Variants in ADGRL4 observed in about 807,000 individuals in gnomAD.
ADGRL4 encodes the protein adhesion G protein-coupled receptor L4.
Under a neutral mutation model 74.8 loss-of-function variants are expected in ADGRL4, and 90 were observed. The ratio of observed to expected loss-of-function variants is 1.20; its 90% CI spans 1.02 to 1.43. The LOEUF is 1.43. ADGRL4 is among the 40% of genes most tolerant of loss of function. The pLI, the probability that ADGRL4 is intolerant of heterozygous loss-of-function variation, is 0.00. For synonymous variants in ADGRL4, 311 were observed against 279.2 expected (o/e 1.11, Z -1.14); for missense variants, 881 against 814.3 (o/e 1.08, Z -1.00).
At chr1:78,991,446 C>A (rs763859309) in intron 2 of ADGRL4, among the ~76,000 whole-genome samples, 1 of 151,920 alleles carries the variant, frequency 6.6e-6, no homozygotes, top group Non-Finnish European at 1.5e-5. Flanking sequence ...GAGTTAATAT[C>A]GGTTAAATAA....
At chr1:78,926,815 G>T in intron 8 of ADGRL4, 71 bp downstream of exon 8, 1 of 1,093,030 alleles carries the variant, frequency 9.1e-7, no homozygotes, top group East Asian at 2.5e-5. Context: ...TAATTTAAGT[G>T]ACACAACAAA....
At chr1:78,978,863 T>TC (rs1253388510) in intron 2 of ADGRL4, among the ~76,000 whole-genome samples, 2 of 151,978 alleles carry the variant, frequency 1.3e-5, no homozygotes, top group African/African-American at 4.8e-5. Flanking sequence ...AAAGATCTTA[T>TC]CTTTTTTTTT....
intron 12 of ADGRL4, among the ~76,000 whole-genome samples, chr1:78,905,452 G>C (rs1648615916): frequency 6.6e-6 from 1 of 152,008 alleles, no homozygotes; most frequent in Non-Finnish European, 1.5e-5. Flanking sequence ...CTAGTATACA[G>C]CTGGGATTAG....
intron 2 of ADGRL4, among the ~76,000 whole-genome samples, chr1:78,964,298 T>C (rs1650012815): frequency 6.6e-6 from 1 of 152,214 alleles, no homozygotes. Context: ...GCTCAGAGTA[T>C]GCAGTTACTG....
At chr1:78,989,668 C>T (rs964093628) in intron 2 of ADGRL4, among the ~76,000 whole-genome samples, 2 of 151,538 alleles carry the variant, frequency 1.3e-5, no homozygotes, top group African/African-American at 2.4e-5. Context: ...AATCTTGCAG[C>T]CTAGATGATC....
chr1:78,891,395 A>G (rs545309183), intron 14 of ADGRL4, 129 bp downstream of exon 14: 2 of 1,235,178 alleles, frequency 1.6e-6, no homozygotes, highest in East Asian at 2.5e-5. Context: ...ATATTTTCCT[A>G]TGAACAGCTA....
intron 3 of ADGRL4, among the ~76,000 whole-genome samples, chr1:78,940,364 A>G (rs1459378407): frequency 6.6e-6 from 1 of 152,184 alleles, no homozygotes; most frequent in African/African-American, 2.4e-5. Context: ...TTCTTCATAC[A>G]CAATCATCAT....
At chr1:78,913,877 G>A (rs188797926) in intron 12 of ADGRL4, among the ~76,000 whole-genome samples, 4 of 151,986 alleles carry the variant, frequency 2.6e-5, no homozygotes, top group East Asian at 3.9e-4. Flanking sequence ...GCAAGGCCCC[G>A]ACTATAAACA....
At chr1:78,941,932 G>A (rs958585671) in intron 3 of ADGRL4, among the ~76,000 whole-genome samples, 9 of 152,004 alleles carry the variant, frequency 5.9e-5, no homozygotes, top group Admixed American at 2.6e-4. Context: ...CGGCGCAGTG[G>A]CTTTCGCCTG....
intron 2 of ADGRL4, among the ~76,000 whole-genome samples, chr1:79,002,867 G>A (rs545266670): frequency 1.3e-4 from 20 of 152,076 alleles, no homozygotes; most frequent in African/African-American, 4.8e-4. Context: ...AATTCACTAC[G>A]ATTAAAGCTT....
In ADGRL4 at chr1:78,992,456, T is replaced by C. The variant is rs368611308; in HGVS notation, c.172+12614A>G. Among the ~76,000 whole-genome samples the C allele has an allele frequency of 1.2e-4, 18 of 152,006 alleles. 1 individual carries two copies. In the East Asian group the frequency reaches 2.7e-3, roughly 23 times the overall value. Reference sequence around the variant, plus strand: ...CTTGTCTGACCAATAACACTCAACATAATCACATTTTTAATGAAAACTCTT... The same window carrying C: ...CTTGTCTGACCAATAACACTCAACACAATCACATTTTTAATGAAAACTCTT... On this transcript the variant is annotated intron_variant, in intron 2 of 14. Coordinates refer to ENST00000370742, the MANE Select transcript of ADGRL4 (RefSeq NM_022159.4).
At chr1:78,943,175 G>C (rs1553136323) in intron 3 of ADGRL4, among the ~76,000 whole-genome samples, 1 of 151,240 alleles carries the variant, frequency 6.6e-6, no homozygotes, top group Non-Finnish European at 1.5e-5. Flanking sequence ...TTCAAAGCTA[G>C]AAAAAAAAAT....
chr1:78,894,707 A>G (rs898587796), intron 12 of ADGRL4, among the ~76,000 whole-genome samples: 1 of 151,866 alleles, frequency 6.6e-6, no homozygotes, highest in Non-Finnish European at 1.5e-5. Context: ...TAGTCTAAAT[A>G]ATATATGCCT....
At chr1:78,928,400 G>A (rs180812984) in intron 7 of ADGRL4, among the ~76,000 whole-genome samples, 12 of 151,360 alleles carry the variant, frequency 7.9e-5, no homozygotes, top group Admixed American at 2.0e-4. Context: ...GCTTGATCTA[G>A]CTTTGAATTT....
chr1:78,929,097 T>G (rs1483744166), intron 7 of ADGRL4, among the ~76,000 whole-genome samples: 4 of 151,558 alleles, frequency 2.6e-5, no homozygotes, highest in Non-Finnish European at 5.9e-5. Context: ...ATGTGAAATC[T>G]CTTAACAAAA....
At chr1:78,936,481 T>C in intron 6 of ADGRL4, 70 bp from the exon 7 acceptor site, 2 of 1,276,972 alleles carry the variant, frequency 1.6e-6, no homozygotes, top group African/African-American at 1.6e-5. Context: ...ATATATTAGC[T>C]TAGAGACAAT....
intron 7 of ADGRL4, among the ~76,000 whole-genome samples, chr1:78,934,358 A>T (rs992334145): frequency 9.2e-5 from 14 of 152,194 alleles, no homozygotes; most frequent in African/African-American, 3.4e-4. Context: ...ATATGCAGAA[A>T]ACTGAAATGG....
chr1:78,937,110 A>T (rs1038282260), intron 6 of ADGRL4, among the ~76,000 whole-genome samples: 3 of 152,238 alleles, frequency 2.0e-5, no homozygotes, highest in African/African-American at 7.2e-5. Flanking sequence ...TGATTGCTTT[A>T]TATTATGAAC....
In ADGRL4 at chr1:78,893,104, T is replaced by G. The variant is rs769741774; in HGVS notation, c.1835A>C (p.Asn612Thr). ...AACTTAAAGACGCATTTACCTTATG[T>G]TCTCAAAGCAACTAACTTCTGGTTT... ...GLKPEVSCFE[N>T]IRSCARGALA... Residue 612 changes from asparagine to threonine, a missense_variant, in exon 13 of 15, where the codon AAC becomes ACC. By Grantham distance (65) the Asn-to-Thr change is moderately conservative (BLOSUM62 0). Transcript: ENST00000370742. 1 of 1,578,206 alleles carries G rather than the reference T, an allele frequency of 6.3e-7. No homozygotes were observed. The highest frequency in any genetic ancestry group is 1.2e-5 in the South Asian group (1 of 84,180).
Sources: gnomAD v4.1 joint callset for allele counts (sites outside exome capture counted in the v4.1 genomes callset) on GRCh38, gnomAD v4.1.1 for gene constraint, MANE v1.5 for transcripts, NCBI Gene and HGNC (gene_info 2026-07-23, HGNC 2026-07-21) for gene names.